Variants in ALDH4A1 observed in about 807,000 individuals in gnomAD.
ALDH4A1 encodes delta-1-pyrroline-5-carboxylate dehydrogenase, mitochondrial.
In ALDH4A1, 46 loss-of-function variants were observed where a neutral mutation model predicts 70.5. The ratio of observed to expected loss-of-function variants is 0.65; its 90% CI spans 0.51 to 0.83. The LOEUF is 0.83. ALDH4A1 is among the 40% of genes least tolerant of loss of function. The pLI is 0.00. For missense variants in ALDH4A1, 749 were observed against 766.5 expected (o/e 0.98, Z 0.27); for synonymous variants, 323 against 324.3 (o/e 1.00, Z 0.04).
At position 18,876,432 on chromosome 1, in the gene ALDH4A1, T is replaced by TGCTCCA; in HGVS notation, c.1220_1221insTGGAGC (p.Ala407_Arg408insGlyAla). On this transcript the variant is annotated inframe_insertion, in exon 12 of 15. Coordinates refer to ENST00000375341, the MANE Select transcript of ALDH4A1 (RefSeq NM_003748.4). ...GGATGGTGAGGCTGGGTGAGGAGCGTGCGTGCTCCAGCCACTTCTTGATAC... is the reference window on the plus strand; with the variant it reads ...GGATGGTGAGGCTGGGTGAGGAGCGTGCTCCAGCGTGCTCCAGCCACTTCTTGATAC... 3.1e-6 allele frequency: 5 copies of TGCTCCA among 1,607,330 alleles called. No individual in the cohort carries two copies. The highest frequency in any genetic ancestry group is 2.5e-6 in the Non-Finnish European group (3 of 1,177,610).
intron 1 of ALDH4A1, among the ~76,000 whole-genome samples, chr1:18,891,283 T>A (rs926627457): frequency 6.6e-6 from 1 of 152,176 alleles, no homozygotes; most frequent in African/African-American, 2.4e-5. Flanking sequence ...AAACTTCCCA[T>A]CTACCGTGGC....
chr1:18,897,667 C>T (rs1183926969), intron 1 of ALDH4A1, among the ~76,000 whole-genome samples: 3 of 152,222 alleles, frequency 2.0e-5, no homozygotes, highest in Non-Finnish European at 4.4e-5. Flanking sequence ...CTCAGGGTCA[C>T]AGCTCATGAG....
intron 1 of ALDH4A1, 93 bp from the exon 2 acceptor site, chr1:18,890,198 G>T: frequency 9.2e-7 from 1 of 1,085,730 alleles, no homozygotes; most frequent in Non-Finnish European, 1.4e-6. Context: ...GGGGTCCTAG[G>T]TGGGCACCCA....
intron 1 of ALDH4A1, among the ~76,000 whole-genome samples, chr1:18,900,632 C>A (rs1361815863): frequency 6.6e-6 from 1 of 152,156 alleles, no homozygotes; most frequent in African/African-American, 2.4e-5. Flanking sequence ...AAAATGTAGC[C>A]CCAAATGCGA....
Position 18,871,639 on chromosome 1 carries a change from G to A in ALDH4A1, c.*1206C>T, listed in dbSNP as rs1166879432. The A allele has an allele frequency of 6.6e-6, 1 of 152,448 alleles. No homozygotes were observed. 9.4% of individuals were successfully genotyped at this position (152,448 alleles called of 1,614,324 possible). On this transcript the variant is annotated 3_prime_UTR_variant, in exon 15 of 15. Coordinates refer to ENST00000375341, the MANE Select transcript of ALDH4A1 (RefSeq NM_003748.4). The stretch of plus-strand genomic sequence containing the variant: ...AGCACCCACCCCCATCCATGGGCCA[G>A]TGGCACTTGGGGAATGGCCACACCA...
intron 3 of ALDH4A1, among the ~76,000 whole-genome samples, chr1:18,888,210 A>G (rs1246007699): frequency 1.3e-5 from 2 of 152,156 alleles, no homozygotes; most frequent in Non-Finnish European, 2.9e-5. Context: ...TCTAGGCTTG[A>G]GTAGAAAGTG....
chr1:18,877,691 C>T, intron 9 of ALDH4A1, 79 bp from the exon 10 acceptor site: 8 of 1,513,288 alleles, frequency 5.3e-6, no homozygotes, highest in Non-Finnish European at 7.2e-6. Flanking sequence ...ACCACCTACG[C>T]CATCCATGGC....
chr1:18,897,289 TC>T, intron 1 of ALDH4A1: 1 of 321,584 alleles, frequency 3.1e-6, no homozygotes. Flanking sequence ...ATGCCTATAA[TC>T]CCAGCGCTTT....
At position 18,902,453 on chromosome 1, in the gene ALDH4A1, C is replaced by T. The variant is rs1449839557; in HGVS notation, c.62+9G>A. 1.2e-5 allele frequency: 17 copies of T among 1,364,190 alleles called. No individual in the cohort carries two copies. Among genetic ancestry groups the T allele is most frequent in the Non-Finnish European group, 1.6e-5 (17 of 1,060,150 alleles). 84.5% of individuals were successfully genotyped at this position (1,364,190 alleles called of 1,614,324 possible). A position where few individuals can be genotyped will look rare whatever the true frequency, so the allele number is the denominator to read the frequency against. ...CGCTCGGGCCGCCCCGGGCCCCGTGCTCACTCACCCGGCCCCGGTCCAGGG... is the reference window on the plus strand; with the variant it reads ...CGCTCGGGCCGCCCCGGGCCCCGTGTTCACTCACCCGGCCCCGGTCCAGGG... On this transcript the variant is annotated intron_variant, in intron 1 of 14. Coordinates refer to ENST00000375341, the MANE Select transcript of ALDH4A1 (RefSeq NM_003748.4).
rs1275474239 is a variant in ALDH4A1, at chr1:18,880,490, C to T, written c.867-1117G>A. On this transcript the variant is annotated intron_variant, in intron 8 of 14. Transcript: ENST00000375341. This position sits in a 1 kb window ranked among gnomAD's most constrained non-coding sequence, Gnocchi z 5.1. ...CCTTCTCCACATCCCCCATCTCTCC[C>T]CTGGTTCAAGCCCCTACCACCCCTC... Among the ~76,000 whole-genome samples, 2 of 152,118 alleles carry T rather than the reference C, an allele frequency of 1.3e-5. No homozygotes were observed. Among genetic ancestry groups the T allele is most frequent in the Non-Finnish European group, 2.9e-5 (2 of 68,020 alleles).
intron 9 of ALDH4A1, 44 bp from the exon 10 acceptor site, chr1:18,877,656 C>T (rs747718196): frequency 4.3e-6 from 6 of 1,389,146 alleles, no homozygotes; most frequent in Non-Finnish European, 5.1e-6. Context: ...GAGCTGGCTC[C>T]CCCGGTTGCC....
intron 1 of ALDH4A1, among the ~76,000 whole-genome samples, chr1:18,895,662 C>T (rs1000052413): frequency 1.1e-4 from 16 of 152,162 alleles, no homozygotes; most frequent in African/African-American, 3.9e-4. Context: ...CCTTCTGCAC[C>T]AGGAGATGTC....
chr1:18,886,414 CA>C (rs1333652708), intron 4 of ALDH4A1, 49 bp downstream of exon 4: 1 of 1,597,226 alleles, frequency 6.3e-7, no homozygotes, highest in South Asian at 1.1e-5. Context: ...CAGGGCAGAG[CA>C]GGGGCAGCAA....
rs1207467059 is a variant in ALDH4A1, at chr1:18,879,348, C to G, written c.892G>C (p.Val298Leu). ...VPTFKHLWKQ[V>L]AQNLDRFHTF... is the part of the protein sequence containing the mutation. ...TGGAACCGGTCCAGGTTCTGGGCCA[C>G]CTGCTTCCACAGGTGTTTGAAGGTG... is the stretch of plus-strand genomic sequence containing the variant. The change falls in exon 9 of 15, where the codon GTG becomes CTG. Residue 298 changes from valine (V) to leucine (L), a missense_variant. Coordinates refer to ENST00000375341, the MANE Select transcript of ALDH4A1 (RefSeq NM_003748.4). The G allele has an allele frequency of 6.2e-7, 1 of 1,611,356 alleles. No individual in the cohort carries two copies. Among genetic ancestry groups the G allele is most frequent in the African/African-American group, 1.3e-5 (1 of 74,882 alleles).
chr1:18,875,561 C>A, intron 12 of ALDH4A1, 58 bp from the exon 13 acceptor site: 1 of 1,612,476 alleles, frequency 6.2e-7, no homozygotes, highest in Non-Finnish European at 8.5e-7. Context: ...GGGCCCTGAG[C>A]CCTCCCAGTG....
chr1:18,872,516 T>C lies in ALDH4A1; in HGVS notation c.*329A>G, dbSNP rs1033542494. 1 of 222,562 alleles carries C rather than the reference T, an allele frequency of 4.5e-6. No homozygotes were observed. Among genetic ancestry groups the C allele is most frequent in the East Asian group, 1.0e-4 (1 of 10,046 alleles). 13.8% of individuals were successfully genotyped at this position (222,562 alleles called of 1,614,324 possible). On this transcript the variant is annotated 3_prime_UTR_variant, in exon 15 of 15. Coordinates refer to ENST00000375341, the MANE Select transcript of ALDH4A1 (RefSeq NM_003748.4). ...GAATGGCCTCCTTTTCCCCAAAGGA[T>C]CCCAAGAGCTGCTCCATCTCCTTTC...
chr1:18,876,519 C>T (rs764567888), intron 11 of ALDH4A1, 52 bp from the exon 12 acceptor site: 14 of 1,525,866 alleles, frequency 9.2e-6, no homozygotes, highest in Admixed American at 7.9e-5. Context: ...GGCATCCCTG[C>T]GGCAGCCCCC....
intron 1 of ALDH4A1, among the ~76,000 whole-genome samples, chr1:18,900,293 G>A (rs1287116154): frequency 6.6e-6 from 1 of 152,224 alleles, no homozygotes; most frequent in African/African-American, 2.4e-5. Flanking sequence ...TTTACACGTA[G>A]GACACTGAGG....
rs549192170 is a variant in ALDH4A1, at chr1:18,894,160, T to G, written c.63-4055A>C. On this transcript the variant is annotated intron_variant, in intron 1 of 14. Coordinates refer to ENST00000375341, the MANE Select transcript of ALDH4A1 (RefSeq NM_003748.4). Reference sequence around the variant, plus strand: ...TTTCAGAGACAAATGGGCTCCCAGATGCCCCCAAAAATCACAGCCTCGGGG... The same window carrying G: ...TTTCAGAGACAAATGGGCTCCCAGAGGCCCCCAAAAATCACAGCCTCGGGG... Among the ~76,000 whole-genome samples, 3 of 152,320 alleles carry G rather than the reference T, an allele frequency of 2.0e-5. No individual in the cohort carries two copies. In the East Asian group the frequency reaches 5.8e-4, roughly 29 times the overall value.
Sources: gnomAD v4.1 joint callset for allele counts (sites outside exome capture counted in the v4.1 genomes callset) on GRCh38, gnomAD v4.1.1 for gene constraint, Gnocchi (gnomAD v3.1) non-coding constraint, MANE v1.5 for transcripts, NCBI Gene and HGNC (gene_info 2026-07-23, HGNC 2026-07-21) for gene names.